The following VAV3 variants were observed in gnomAD, a reference collection of about 807,000 sequenced individuals.
VAV3 encodes the protein vav guanine nucleotide exchange factor 3.
Under a neutral mutation model 131.2 loss-of-function variants are expected in VAV3, and 94 were observed. The ratio of observed to expected loss-of-function variants is 0.72; its 90% CI spans 0.61 to 0.85. VAV3 has a LOEUF of 0.85. Among genes scored for constraint, VAV3 ranks in the 40% least tolerant of loss-of-function variants. The pLI is 0.00. For missense variants in VAV3, 939 were observed against 1,002.7 expected (o/e 0.94, Z 0.86); for synonymous variants, 349 against 342.0 (o/e 1.02, Z -0.22).
At chr1:107,843,549 ATT>A (rs1425500965) in intron 2 of VAV3, among the ~76,000 whole-genome samples, 1 of 148,336 alleles carries the variant, frequency 6.7e-6, no homozygotes, top group Non-Finnish European at 1.5e-5. Flanking sequence ...ATATATATAT[ATT>A]TATATATATA....
intron 18 of VAV3, among the ~76,000 whole-genome samples, chr1:107,686,616 A>C (rs911260583): frequency 6.6e-6 from 1 of 152,146 alleles, no homozygotes; most frequent in Non-Finnish European, 1.5e-5. Flanking sequence ...CTCAGAGCTT[A>C]CTATAATCCT....
intron 2 of VAV3, among the ~76,000 whole-genome samples, chr1:107,788,666 T>C (rs1044472229): frequency 6.6e-6 from 1 of 152,220 alleles, no homozygotes; most frequent in Non-Finnish European, 1.5e-5. Flanking sequence ...TCCATGCAGT[T>C]AGCTGCCTGA....
chr1:107,754,664 T>C (rs1319226363), intron 12 of VAV3, among the ~76,000 whole-genome samples: 4 of 152,218 alleles, frequency 2.6e-5, no homozygotes, highest in African/African-American at 7.2e-5. Flanking sequence ...GGCTGTGTTA[T>C]GTAATTGCCC....
At position 107,956,687 on chromosome 1, in the gene VAV3, T is replaced by G. The variant is rs184643147; in HGVS notation, c.204+7979A>C. Among the ~76,000 whole-genome samples, 371 of 152,174 alleles carry G rather than the reference T, an allele frequency of 2.4e-3. 3 individuals carry two copies. The highest frequency in any genetic ancestry group is 2.6e-3 in the Non-Finnish European group (177 of 68,010). ...ACTGCCAGTAGTTCCAGACCATACT[T>G]TGAGAACATTAAAGAAATATAATCA... On this transcript the variant is annotated intron_variant, in intron 1 of 26. Transcript: ENST00000370056.
At chr1:107,695,101 T>TA (rs915437668) in intron 17 of VAV3, among the ~76,000 whole-genome samples, 1 of 151,878 alleles carries the variant, frequency 6.6e-6, no homozygotes, top group Non-Finnish European at 1.5e-5. Context: ...TACACAGACA[T>TA]AAAAAAACTG....
At chr1:107,749,897 G>C (rs1027097152) in intron 13 of VAV3, among the ~76,000 whole-genome samples, 1 of 152,230 alleles carries the variant, frequency 6.6e-6, no homozygotes, top group Non-Finnish European at 1.5e-5. Context: ...CATAAAGTTT[G>C]TTCATGAGCA....
intron 2 of VAV3, among the ~76,000 whole-genome samples, chr1:107,867,706 G>A (rs1415095641): frequency 6.6e-6 from 1 of 152,162 alleles, no homozygotes; most frequent in Admixed American, 6.5e-5. Context: ...GGTGAGTGGA[G>A]GTTGACTCCT....
At chr1:107,917,837 A>G (rs1180351463) in intron 1 of VAV3, among the ~76,000 whole-genome samples, 1 of 152,172 alleles carries the variant, frequency 6.6e-6, no homozygotes, top group Non-Finnish European at 1.5e-5. Flanking sequence ...GAAATCCAGA[A>G]TACTTTGATG....
At chr1:107,638,691 T>C (rs1382933186) in intron 20 of VAV3, among the ~76,000 whole-genome samples, 1 of 152,088 alleles carries the variant, frequency 6.6e-6, no homozygotes, top group Non-Finnish European at 1.5e-5. Flanking sequence ...CAAAATTCAT[T>C]TGACATGCAA....
At chr1:107,664,356 C>G (rs942840403) in intron 19 of VAV3, among the ~76,000 whole-genome samples, 3 of 152,232 alleles carry the variant, frequency 2.0e-5, no homozygotes, top group South Asian at 2.1e-4. Context: ...CCCAACCCCC[C>G]ACAAAAGGCC....
intron 11 of VAV3, among the ~76,000 whole-genome samples, 158 bp downstream of exon 11, chr1:107,757,103 T>C (rs1664144429): frequency 6.6e-6 from 1 of 151,658 alleles, no homozygotes; most frequent in African/African-American, 2.4e-5. Context: ...CATGTCATAA[T>C]ATTTTATTTA....
Position 107,580,461 on chromosome 1 carries a change from A to T in VAV3, c.2351-6263T>A, listed in dbSNP as rs529793515. 7.2e-5 allele frequency among the ~76,000 whole-genome samples: 11 copies of T among 152,210 alleles called. No individual in the cohort carries two copies. In the South Asian group the frequency reaches 2.1e-3, roughly 29 times the overall value. Reference sequence around the variant, plus strand: ...ATGCTGAACACCTATTAAATACTGTATGTCTCACGGCATTAACCATACTCT... The same window carrying T: ...ATGCTGAACACCTATTAAATACTGTTTGTCTCACGGCATTAACCATACTCT... On this transcript the variant is annotated intron_variant, in intron 25 of 26. Coordinates refer to ENST00000370056, the MANE Select transcript of VAV3 (RefSeq NM_006113.5).
intron 1 of VAV3, among the ~76,000 whole-genome samples, chr1:107,962,247 G>A (rs1675122365): frequency 6.6e-6 from 1 of 152,176 alleles, no homozygotes. Context: ...AATACATTCT[G>A]CTGGGACATG....
At chr1:107,907,694 C>T (rs2101108104) in intron 1 of VAV3, among the ~76,000 whole-genome samples, 1 of 152,230 alleles carries the variant, frequency 6.6e-6, no homozygotes, top group Admixed American at 6.5e-5. Flanking sequence ...CGCGCTCTCT[C>T]TCTCTCTCTC....
chr1:107,618,479 G>C (rs190055562), intron 20 of VAV3, among the ~76,000 whole-genome samples: 20 of 152,292 alleles, frequency 1.3e-4, no homozygotes, highest in Non-Finnish European at 2.9e-4. Flanking sequence ...AACAGAAGAA[G>C]ACCGTAAGAT....
chr1:107,805,498 T>C (rs1667019223), intron 2 of VAV3, among the ~76,000 whole-genome samples: 2 of 152,200 alleles, frequency 1.3e-5, no homozygotes, highest in African/African-American at 4.8e-5. Context: ...TCCAAATTTG[T>C]TTGATCTTTT....
At chr1:107,919,086 T>C (rs1053286240) in intron 1 of VAV3, among the ~76,000 whole-genome samples, 14 of 152,324 alleles carry the variant, frequency 9.2e-5, no homozygotes, top group Middle Eastern at 3.4e-3. Flanking sequence ...TAGTCATTGG[T>C]TATAAATTTA....
intron 2 of VAV3, among the ~76,000 whole-genome samples, chr1:107,837,166 C>T (rs960586453): frequency 4.6e-5 from 7 of 151,916 alleles, no homozygotes; most frequent in Non-Finnish European, 1.0e-4. Flanking sequence ...ATGCAGAAAT[C>T]CTTAACAAAA....
chr1:107,607,460 T>G (rs1652373036), intron 22 of VAV3, among the ~76,000 whole-genome samples: 1 of 152,144 alleles, frequency 6.6e-6, no homozygotes, highest in African/African-American at 2.4e-5. Flanking sequence ...GCATCATCAC[T>G]CAGTATACAG....
Sources: allele counts gnomAD v4.1 joint callset (sites outside exome capture counted in the v4.1 genomes callset), GRCh38; gene constraint gnomAD v4.1.1; transcripts MANE v1.5; gene names NCBI Gene and HGNC (gene_info 2026-07-23, HGNC 2026-07-21).